ARHGAP9: variants seen among roughly 807,000 people sequenced by gnomAD.
ARHGAP9 encodes the protein Rho GTPase activating protein 9, also known as rho GTPase-activating protein 9.
In ARHGAP9, 76 loss-of-function variants were observed where a neutral mutation model predicts 87.3. That is an observed-to-expected ratio of 0.87 (90% CI 0.72 to 1.05). The LOEUF is 1.05. Among genes scored for constraint, ARHGAP9 ranks in the 50% least tolerant of loss-of-function variants. ARHGAP9 has a pLI of 0.00. For missense variants in ARHGAP9, 941 were observed against 960.5 expected (o/e 0.98, Z 0.27); for synonymous variants, 382 against 394.9 (o/e 0.97, Z 0.39).
At chr12:57,473,432 A>C (rs1167101145) in intron 17 of ARHGAP9, among the ~76,000 whole-genome samples, 171 bp downstream of exon 17, 1 of 152,050 alleles carries the variant, frequency 6.6e-6, no homozygotes, top group Non-Finnish European at 1.5e-5. Context: ...TAAAATAAAA[A>C]AATAAAGGTT....
chr12:57,480,185 G>GC (rs1182392846), upstream of ARHGAP9: 3 of 747,278 alleles, frequency 4.0e-6, no homozygotes, highest in Non-Finnish European at 4.7e-6. Context: ...GTTCATTCAT[G>GC]CTTTTTTTTT....
upstream of ARHGAP9, chr12:57,479,977 A>G: frequency 7.4e-7 from 1 of 1,359,800 alleles, no homozygotes; most frequent in Non-Finnish European, 9.5e-7. Flanking sequence ...TCAGAGAGAC[A>G]TGGTGACAGA....
Position 57,477,854 on chromosome 12 carries a change from A to T in ARHGAP9, c.535-174T>A, listed in dbSNP as rs1874368271. On this transcript the variant is annotated intron_variant, in intron 3 of 17. Transcript: ENST00000393791. ...CTCAGGCCCCAGCTGCTTTTTAAAA[A>T]TTCTCTCTCTCACAGTTTTCTTTGC... The T allele has an allele frequency of 2.1e-6, 3 of 1,435,938 alleles. No individual in the cohort carries two copies. The South Asian group carries it at 4.1e-5, about 20-fold the overall frequency. 88.9% of individuals were successfully genotyped at this position (1,435,938 alleles called of 1,614,324 possible).
chr12:57,479,225 C>T lies in ARHGAP9; in HGVS notation c.182G>A (p.Trp61Ter). The T allele has an allele frequency of 6.2e-7, 1 of 1,614,230 alleles. No individual in the cohort carries two copies. Among genetic ancestry groups the T allele is most frequent in the Non-Finnish European group, 8.5e-7 (1 of 1,180,038 alleles). ...AGCTTCTAGGCGTCTTGCCAACCAC[C>T]AGTCGGAGTTGGTCTTTCGAAGCAG... ...FLLLRKTNSD[W>*]WLARRLEAPS... The change falls in exon 2 of 18, where the codon TGG becomes TAG. Residue 61 changes from tryptophan to a stop codon, truncating the protein, a stop_gained. Transcript: ENST00000393791. LOFTEE classifies it high-confidence loss of function.
chr12:57,477,923 C>T, intron 3 of ARHGAP9: 1 of 1,302,162 alleles, frequency 7.7e-7, no homozygotes, highest in African/African-American at 1.5e-5. Flanking sequence ...CTCCCCCACC[C>T]CACCCCCACC....
Position 57,478,689 on chromosome 12 carries a change from A to G in ARHGAP9, c.385T>C (p.Ser129Pro). The G allele has an allele frequency of 6.2e-7, 1 of 1,614,062 alleles. No homozygotes were observed. The highest frequency in any genetic ancestry group is 8.5e-7 in the Non-Finnish European group (1 of 1,180,006). Residue 129 changes from serine to proline, a missense_variant, in exon 3 of 18, where the codon TCG becomes CCG. By Grantham distance (74) the Ser-to-Pro change is moderately conservative (BLOSUM62 -1). Transcript: ENST00000393791. ...CGGGGAAGTGGAGGAGGCTGCTCCG[A>G]GCTAGCCTGAGCCCTGCTTGGGAGG... ...QALPSRAQAS[S>P]EQPPPLPRKM...
chr12:57,476,340 C>T, intron 8 of ARHGAP9, 24 bp downstream of exon 8: 1 of 1,611,848 alleles, frequency 6.2e-7, no homozygotes, highest in Non-Finnish European at 8.5e-7. Flanking sequence ...CCGCACCCAT[C>T]CTGCGCCTCT....
chr12:57,484,628 T>C (rs113779924), upstream of ARHGAP9, among the ~76,000 whole-genome samples: 1,013 of 152,200 alleles, frequency 6.7e-3, 8 homozygotes, highest in Non-Finnish European at 0.011. Context: ...AAAATGGCGA[T>C]GAGAGACCTA....
In ARHGAP9 at chr12:57,476,994, G is replaced by A. The variant is rs959548898; in HGVS notation, c.871-31C>T. 20 of 1,569,540 alleles carry A rather than the reference G, an allele frequency of 1.3e-5. No homozygotes were observed. In the African/African-American group the frequency reaches 2.5e-4, roughly 19 times the overall value. On this transcript the variant is annotated intron_variant, in intron 5 of 17. Transcript: ENST00000393791. ...GGAGAGGATTGGAGAAACAGGTGGG[G>A]AAACGCTCGACTCAGGGATCCCTGG...
At chr12:57,476,515 A>G in intron 7 of ARHGAP9, 61 bp from the exon 8 acceptor site, 1 of 1,612,400 alleles carries the variant, frequency 6.2e-7, no homozygotes, top group Non-Finnish European at 8.5e-7. Context: ...TGACACGAGG[A>G]GGGTGCTCTT....
upstream of ARHGAP9, among the ~76,000 whole-genome samples, chr12:57,482,683 C>G (rs915878565): frequency 6.6e-6 from 1 of 151,868 alleles, no homozygotes; most frequent in African/African-American, 2.4e-5. Context: ...CCAGCCTAGG[C>G]GACAGAGTGA....
In ARHGAP9 at chr12:57,479,442, A is replaced by G. The variant is rs773890079; in HGVS notation, c.-18-18T>C. 5 of 1,598,814 alleles carry G rather than the reference A, an allele frequency of 3.1e-6. No homozygotes were observed. Among genetic ancestry groups the G allele is most frequent in the African/African-American group, 1.3e-5 (1 of 74,440 alleles). On this transcript the variant is annotated intron_variant, in intron 1 of 17. Transcript: ENST00000393791. ...ACTGTCACCTGTGAGAAAAAGGGAC[A>G]CTGGAGACCCAGAAGGGAATAGGCC...
At chr12:57,478,387 A>G (rs544978511) in intron 3 of ARHGAP9, 153 bp downstream of exon 3, 43 of 761,244 alleles carry the variant, frequency 5.6e-5, no homozygotes, top group Non-Finnish European at 8.4e-5. Flanking sequence ...ACTCTCCACC[A>G]CATTAACTTG....
At chr12:57,486,593 C>T (rs1361675118) in intron 1 of ARHGAP9, among the ~76,000 whole-genome samples, 6 of 93,396 alleles carry the variant, frequency 6.4e-5, no homozygotes, top group Non-Finnish European at 8.6e-5. Context: ...TCATCTTTTC[C>T]CTAGAGATGT....
chr12:57,486,285 T>C (rs1163279443), intron 1 of ARHGAP9, among the ~76,000 whole-genome samples: 2 of 152,196 alleles, frequency 1.3e-5, no homozygotes, highest in East Asian at 3.9e-4. Context: ...TTTTTTTTTT[T>C]TTGAGACGAA....
upstream of ARHGAP9, chr12:57,479,889 C>G: frequency 6.9e-7 from 1 of 1,452,430 alleles, no homozygotes; most frequent in Non-Finnish European, 9.1e-7. Context: ...GTGTGTTATT[C>G]TTTATTAAAT....
upstream of ARHGAP9, among the ~76,000 whole-genome samples, chr12:57,481,111 T>C (rs1356373822): frequency 2.6e-5 from 4 of 152,170 alleles, no homozygotes; most frequent in Non-Finnish European, 5.9e-5. Context: ...TCTCTGAAAC[T>C]CTCTCTCCTA....
chr12:57,481,403 A>G (rs1020470852), upstream of ARHGAP9, among the ~76,000 whole-genome samples: 1 of 152,020 alleles, frequency 6.6e-6, no homozygotes, highest in Non-Finnish European at 1.5e-5. Flanking sequence ...GGCGCCTGCC[A>G]CTATGCCCGC....
At chr12:57,486,742 G>A (rs1314541664) in intron 1 of ARHGAP9, among the ~76,000 whole-genome samples, 1 of 149,162 alleles carries the variant, frequency 6.7e-6, no homozygotes, top group Non-Finnish European at 1.5e-5. Context: ...AAAATTAGCC[G>A]AGCGTGGTGG....
Sources: gnomAD v4.1 joint callset for allele counts (sites outside exome capture counted in the v4.1 genomes callset) on GRCh38, gnomAD v4.1.1 for gene constraint, MANE v1.5 for transcripts, NCBI Gene and HGNC (gene_info 2026-07-23, HGNC 2026-07-21) for gene names.